PHKB: variants seen among roughly 807,000 people sequenced by gnomAD.
PHKB encodes phosphorylase kinase regulatory subunit beta, also known as phosphorylase b kinase regulatory subunit beta.
In PHKB, 122 loss-of-function variants were observed where a neutral mutation model predicts 152.1. That is an observed-to-expected ratio of 0.80 (90% CI 0.69 to 0.93). The LOEUF (loss-of-function observed/expected upper bound fraction) is 0.93, where lower values mean the gene tolerates loss of function less well. Ranked by LOEUF, PHKB falls within the 40% of genes least tolerant of loss-of-function variation. PHKB has a pLI of 0.00. For missense variants in PHKB, 1,304 were observed against 1,328.4 expected (o/e 0.98, Z 0.29); for synonymous variants, 436 against 464.9 (o/e 0.94, Z 0.80).
intron 13 of PHKB, chr16:47,597,802 A>G (rs1972149535): frequency 6.6e-6 from 1 of 150,902 alleles, no homozygotes; most frequent in Admixed American, 6.6e-5. Context: ...TCTCTTTTAC[A>G]GAAACTCTAC....
Position 47,497,283 on chromosome 16 carries a change from T to G in PHKB, c.77-116T>G, listed in dbSNP as rs965933368. On this transcript the variant is annotated intron_variant, in intron 1 of 30. Coordinates refer to ENST00000323584, the MANE Select transcript of PHKB (RefSeq NM_000293.3). ...GTTTACAAGTAGTAAAGTATGGTAC[T>G]TCACATAAAATAATGGAAGTTAGAT... 3.3e-5 allele frequency: 23 copies of G among 706,636 alleles called. No individual in the cohort carries two copies. In the East Asian group the frequency reaches 6.3e-4, roughly 19 times the overall value. 43.8% of individuals were successfully genotyped at this position (706,636 alleles called of 1,614,324 possible).
At chr16:47,672,219 C>A (rs903706052) in intron 26 of PHKB, among the ~76,000 whole-genome samples, 1 of 152,022 alleles carries the variant, frequency 6.6e-6, no homozygotes, top group Non-Finnish European at 1.5e-5. Context: ...AGAATTTGAC[C>A]TTCACTCTTA....
chr16:47,584,295 A>C (rs1971899822), intron 8 of PHKB, among the ~76,000 whole-genome samples: 1 of 152,164 alleles, frequency 6.6e-6, no homozygotes, highest in Non-Finnish European at 1.5e-5. Context: ...ATATATTTAA[A>C]TATTATTTAA....
At chr16:47,509,903 A>G (rs1372339178) in intron 4 of PHKB, among the ~76,000 whole-genome samples, 2 of 152,168 alleles carry the variant, frequency 1.3e-5, no homozygotes, top group Non-Finnish European at 2.9e-5. Context: ...GTCCCACAAG[A>G]CTACCCCCGG....
chr16:47,645,434 C>G (rs1284845929), intron 16 of PHKB, among the ~76,000 whole-genome samples: 2 of 109,756 alleles, frequency 1.8e-5, no homozygotes, highest in African/African-American at 3.6e-5. Flanking sequence ...CTACATATGG[C>G]TAGCCAGTTT....
chr16:47,521,911 T>TA (rs963453778), intron 6 of PHKB, among the ~76,000 whole-genome samples: 7 of 152,230 alleles, frequency 4.6e-5, no homozygotes, highest in African/African-American at 1.7e-4. Context: ...GGATAAATCT[T>TA]ACTTGGTCAT....
chr16:47,669,247 A>G lies in PHKB; in HGVS notation c.2460A>G (p.Glu820=). The change falls in exon 26 of 31, where the codon GAA becomes GAG. Residue 820 remains glutamate (E), a synonymous_variant. Transcript: ENST00000323584. Reference sequence around the variant, plus strand: ...TGGGTGCCTTTGGGCATGAAGAAGAAGTTATCTCTAATCCTTTGTCTCCAA... The same window carrying G: ...TGGGTGCCTTTGGGCATGAAGAAGAGGTTATCTCTAATCCTTTGTCTCCAA... The part of the protein sequence containing the change: ...VTLGAFGHEE[E]VISNPLSPRV... 6.2e-7 allele frequency: 1 copy of G among 1,613,996 alleles called. No individual in the cohort carries two copies. The highest frequency in any genetic ancestry group is 8.5e-7 in the Non-Finnish European group (1 of 1,179,968).
chr16:47,518,596 A>G (rs1157469703), intron 6 of PHKB, among the ~76,000 whole-genome samples: 1 of 152,148 alleles, frequency 6.6e-6, no homozygotes, highest in Non-Finnish European at 1.5e-5. Context: ...CAGGCGTACC[A>G]TGTTTCCTTG....
intron 6 of PHKB, among the ~76,000 whole-genome samples, chr16:47,517,841 A>G (rs1284414683): frequency 1.3e-5 from 2 of 152,154 alleles, no homozygotes; most frequent in African/African-American, 4.8e-5. Context: ...CTAATTATCA[A>G]TAGCCTTCAA....
At chr16:47,473,296 A>G (rs1241103965) in intron 1 of PHKB, among the ~76,000 whole-genome samples, 2 of 129,476 alleles carry the variant, frequency 1.5e-5, no homozygotes, top group Non-Finnish European at 1.5e-5. Flanking sequence ...GCTGGTCTGG[A>G]ACTCCCAGTC....
intron 14 of PHKB, among the ~76,000 whole-genome samples, chr16:47,632,864 A>G (rs1292261732): frequency 6.6e-6 from 1 of 152,210 alleles, no homozygotes; most frequent in Non-Finnish European, 1.5e-5. Flanking sequence ...GAGTAATTTA[A>G]AAACTAGAAT....
intron 1 of PHKB, 111 bp from the exon 2 acceptor site, chr16:47,497,288 A>G (rs893742238): frequency 4.2e-6 from 3 of 720,912 alleles, no homozygotes; most frequent in South Asian, 3.1e-5. Flanking sequence ...GGTACTTCAC[A>G]TAAAATAATG....
chr16:47,616,910 T>C (rs907214851), intron 14 of PHKB, among the ~76,000 whole-genome samples: 3 of 151,048 alleles, frequency 2.0e-5, no homozygotes, highest in African/African-American at 7.3e-5. Context: ...TGGGTCTGGC[T>C]AGTTATCTGC....
chr16:47,599,824 A>T (rs1340896575), intron 13 of PHKB, among the ~76,000 whole-genome samples: 1 of 152,248 alleles, frequency 6.6e-6, no homozygotes, highest in Non-Finnish European at 1.5e-5. Flanking sequence ...TATCTGGTTA[A>T]CAACCCACTG....
chr16:47,701,482 A>AG lies in PHKB; in HGVS notation c.*2116_*2117insG. The AG allele has an allele frequency of 6.6e-6, 1 of 152,204 alleles. No homozygotes were observed. Among genetic ancestry groups the AG allele is most frequent in the Non-Finnish European group, 1.5e-5 (1 of 68,032 alleles). 9.4% of individuals were successfully genotyped at this position (152,204 alleles called of 1,614,324 possible). On this transcript the variant is annotated 3_prime_UTR_variant, in exon 31 of 31. Transcript: ENST00000323584. ...TTGAGATTCAAAATTTATTGTTCTG[A>AG]AAGTTATATTTAGAATCAGTAAATC...
At chr16:47,607,004 C>T (rs1972336996) in intron 13 of PHKB, among the ~76,000 whole-genome samples, 1 of 152,112 alleles carries the variant, frequency 6.6e-6, no homozygotes, top group African/African-American at 2.4e-5. Context: ...TCATGTTGGT[C>T]AGTGCCCCAT....
intron 4 of PHKB, among the ~76,000 whole-genome samples, chr16:47,509,563 CAT>C (rs1451096568): frequency 6.6e-6 from 1 of 152,114 alleles, no homozygotes; most frequent in African/African-American, 2.4e-5. Context: ...CCACTAGTGA[CAT>C]GTGGCTATTG....
At chr16:47,545,279 G>A (rs190311960) in intron 6 of PHKB, among the ~76,000 whole-genome samples, 113 of 152,282 alleles carry the variant, frequency 7.4e-4, no homozygotes, top group African/African-American at 2.6e-3. Flanking sequence ...CTCTTGTAAG[G>A]CAGGCCTGGT....
intron 1 of PHKB, among the ~76,000 whole-genome samples, chr16:47,468,341 C>T (rs945997766): frequency 6.6e-6 from 1 of 152,200 alleles, no homozygotes; most frequent in Non-Finnish European, 1.5e-5. Context: ...TAAGGCCCTC[C>T]TATTGTATCT....
Sources: allele counts gnomAD v4.1 joint callset (sites outside exome capture counted in the v4.1 genomes callset), GRCh38; gene constraint gnomAD v4.1.1; transcripts MANE v1.5; gene names NCBI Gene and HGNC (gene_info 2026-07-23, HGNC 2026-07-21).